Variants in FRMPD3 observed in about 807,000 individuals in gnomAD.
FRMPD3 encodes the protein FERM and PDZ domain containing 3.
In FRMPD3, 42 loss-of-function variants were observed where a neutral mutation model predicts 97.9. The observed-to-expected ratio is 0.43, with a 90% CI of 0.34 to 0.55. FRMPD3 has a LOEUF of 0.55. FRMPD3 is among the 20% of genes least tolerant of loss of function. The pLI, the probability that FRMPD3 is intolerant of heterozygous loss-of-function variation, is 0.03. For synonymous variants in FRMPD3, 577 were observed against 581.1 expected (o/e 0.99, Z 0.10); for missense variants, 1,303 against 1,457.7 (o/e 0.89, Z 1.73).
At chrX:107,578,835 C>T (rs1391643626) in intron 13 of FRMPD3, among the ~76,000 whole-genome samples, 1 of 111,212 alleles carries the variant, frequency 9.0e-6, no homozygotes, top group African/African-American at 3.3e-5. Flanking sequence ...GTGAGCCTCA[C>T]AGCTCTACCT....
rs779908263 is a variant in FRMPD3 at position 107,545,782 on chromosome X, A to G, written c.343A>G (p.Arg115Gly). The part of the protein sequence containing the change: ...FISAAKKAKL[R>G]SNPVKVRFSE... ...CAGTGCTGCGAAGAAGGCCAAGTTGAGGTCCAATCCTGTGAAGGTTCGATT... is the reference window on the plus strand; with the variant it reads ...CAGTGCTGCGAAGAAGGCCAAGTTGGGGTCCAATCCTGTGAAGGTTCGATT... The change falls in exon 5 of 15, where the codon AGG becomes GGG. Residue 115 changes from arginine (R) to glycine (G), a missense_variant. By Grantham distance (125) the Arg-to-Gly change is moderately radical. Around this residue, in one of 3 missense-constraint regions of FRMPD3, gnomAD observed 535 missense variants for 618.6 expected, o/e 0.86. Coordinates refer to ENST00000683843, the MANE Select transcript of FRMPD3 (RefSeq NM_001388459.1). 8.3e-7 allele frequency: 1 copy of G among 1,210,461 alleles called. No individual in the cohort carries two copies. The highest frequency in any genetic ancestry group is 1.1e-6 in the Non-Finnish European group (1 of 895,161).
chrX:107,572,653 G>T (rs1230198517), intron 12 of FRMPD3, among the ~76,000 whole-genome samples: 1 of 110,194 alleles, frequency 9.1e-6, no homozygotes, highest in African/African-American at 3.3e-5. Context: ...CAGGAGAATC[G>T]CTTGAACCCA....
chrX:107,578,412 G>T (rs5962857), intron 13 of FRMPD3, among the ~76,000 whole-genome samples: 18,971 of 111,546 alleles, frequency 0.17, 3,408 homozygotes, highest in African/African-American at 0.54. Context: ...ATTCCAACAT[G>T]CCATGTTGCT....
intron 1 of FRMPD3, among the ~76,000 whole-genome samples, chrX:107,453,554 T>C (rs1032017530): frequency 2.7e-5 from 3 of 111,671 alleles, no homozygotes; most frequent in African/African-American, 9.8e-5. Context: ...TACCATAAGT[T>C]CAGAAACAAA....
intron 13 of FRMPD3, among the ~76,000 whole-genome samples, chrX:107,587,229 T>C (rs1487664279): frequency 8.9e-6 from 1 of 111,843 alleles, no homozygotes; most frequent in Admixed American, 9.5e-5. Context: ...TTTTTGATCT[T>C]TGTTGTGTTA....
chrX:107,491,889 G>C (rs942068863), intron 1 of FRMPD3, among the ~76,000 whole-genome samples: 3 of 109,347 alleles, frequency 2.7e-5, no homozygotes, highest in Non-Finnish European at 5.7e-5. Context: ...TCTTCCCTTC[G>C]TGGTTTTTTT....
At chrX:107,480,905 A>AAAGAAAG (rs1921342454) in intron 1 of FRMPD3, among the ~76,000 whole-genome samples, 1 of 84,428 alleles carries the variant, frequency 1.2e-5, no homozygotes, top group Non-Finnish European at 2.3e-5. Flanking sequence ...GGAAAGAAAG[A>AAAGAAAG]AAGAAAGAAA....
intron 1 of FRMPD3, among the ~76,000 whole-genome samples, chrX:107,483,516 G>A (rs1407986375): frequency 8.9e-6 from 1 of 111,949 alleles, no homozygotes; most frequent in Non-Finnish European, 1.9e-5. Flanking sequence ...AATCCAGTGA[G>A]GCAGGTCTCT....
In FRMPD3 at chrX:107,600,675, C is replaced by G. The variant is rs1354553483; in HGVS notation, c.2636C>G (p.Pro879Arg). The G allele has an allele frequency of 8.3e-7, 1 of 1,202,483 alleles. No homozygotes were observed. Among genetic ancestry groups the G allele is most frequent in the Non-Finnish European group, 1.1e-6 (1 of 891,295 alleles). ...GERTYSLAVH[P>R]ALSPQLSEQK... is the part of the protein sequence containing the mutation. ...CGAACATACTCCTTGGCAGTGCACC[C>G]AGCACTGTCCCCACAGCTTAGTGAA... The change falls in exon 15 of 15, where the codon CCA becomes CGA. Residue 879 changes from proline (P) to arginine (R), a missense_variant. This residue lies in a region of FRMPD3 where 764 missense variants were observed against 820.2 expected (regional missense o/e 0.93). Coordinates refer to ENST00000683843, the MANE Select transcript of FRMPD3 (RefSeq NM_001388459.1).
At chrX:107,574,255 C>T (rs2147614841) in intron 12 of FRMPD3, among the ~76,000 whole-genome samples, 1 of 106,587 alleles carries the variant, frequency 9.4e-6, no homozygotes, top group Non-Finnish European at 1.9e-5. Context: ...ACCTGGGCAA[C>T]ATAGTGAGAC....
At position 107,569,483 on chromosome X, in the gene FRMPD3, G is replaced by T. The variant is rs1035637925; in HGVS notation, c.1296+4417G>T. 6.4e-5 allele frequency among the ~76,000 whole-genome samples: 7 copies of T among 109,830 alleles called. No individual in the cohort carries two copies. In the Admixed American group the frequency reaches 6.8e-4, roughly 11 times the overall value. On this transcript the variant is annotated intron_variant, in intron 12 of 14. Coordinates refer to ENST00000683843, the MANE Select transcript of FRMPD3 (RefSeq NM_001388459.1). ...TTTAGTAAGAGGTGGCTCTGGGAAG[G>T]AATTGGGAGAGCAGGGTTGGGAAGC...
intron 8 of FRMPD3, 64 bp from the exon 9 acceptor site, chrX:107,560,193 A>G: frequency 1.7e-6 from 2 of 1,152,557 alleles, no homozygotes; most frequent in African/African-American, 3.6e-5. Flanking sequence ...GTAAGGGAGT[A>G]GATCAGGGGG....
intron 6 of FRMPD3, among the ~76,000 whole-genome samples, chrX:107,551,180 T>C (rs1179797755): frequency 1.8e-5 from 2 of 111,809 alleles, no homozygotes; most frequent in Non-Finnish European, 3.8e-5. Context: ...TGCTAAGTAT[T>C]CTGCAGGGAG....
chrX:107,601,539 C>T lies in FRMPD3; in HGVS notation c.3500C>T (p.Pro1167Leu). 2 of 1,183,014 alleles carry T rather than the reference C, an allele frequency of 1.7e-6. No homozygotes were observed. The highest frequency in any genetic ancestry group is 2.3e-6 in the Non-Finnish European group (2 of 882,157). ...CGAGGTCAGAGCCCCAGCTGCCAAC[C>T]TCGAGGCCAGAGCCCACTGAGGTCT... ...QSRGQSPSCQ[P>L]RGQSPLRSQA... The change falls in exon 15 of 15, where the codon CCT (proline) becomes CTT (leucine). Residue 1167 changes from proline (P) to leucine (L), a missense_variant. Physicochemically the swap from Pro to Leu is moderately conservative, Grantham distance 98. Around this residue, in one of 3 missense-constraint regions of FRMPD3, gnomAD observed 764 missense variants for 820.2 expected, o/e 0.93. Transcript: ENST00000683843.
intron 11 of FRMPD3, among the ~76,000 whole-genome samples, chrX:107,564,566 G>C (rs1331482948): frequency 3.6e-5 from 4 of 112,065 alleles, no homozygotes; most frequent in Non-Finnish European, 5.6e-5. Context: ...GAAGGGGAGG[G>C]TGCTCCAAAG....
At chrX:107,516,686 G>A (rs927489984) in intron 1 of FRMPD3, among the ~76,000 whole-genome samples, 3 of 110,584 alleles carry the variant, frequency 2.7e-5, no homozygotes, top group African/African-American at 3.3e-5. Flanking sequence ...TTTGAGAAGC[G>A]TCTGTTCATA....
rs1428558372 is a variant in FRMPD3, at chrX:107,560,408, G to A, written c.899+15G>A. The A allele has an allele frequency of 9.9e-6, 12 of 1,207,723 alleles. No homozygotes were observed. The South Asian group carries it at 1.2e-4, about 12-fold the overall frequency. Reference sequence around the variant, plus strand: ...AAGAATGTGGAGTGAGTTGTGCTGCGGCCCGTTGGGATGGGGGGCGAATAG... The same window carrying A: ...AAGAATGTGGAGTGAGTTGTGCTGCAGCCCGTTGGGATGGGGGGCGAATAG... On this transcript the variant is annotated intron_variant, in intron 9 of 14. Coordinates refer to ENST00000683843, the MANE Select transcript of FRMPD3 (RefSeq NM_001388459.1).
At chrX:107,533,850 C>T (rs763801852) in intron 4 of FRMPD3, among the ~76,000 whole-genome samples, 10 of 112,298 alleles carry the variant, frequency 8.9e-5, no homozygotes, top group Non-Finnish European at 1.9e-4. Flanking sequence ...TGGCTGTACT[C>T]CATTAAAATG....
intron 12 of FRMPD3, among the ~76,000 whole-genome samples, chrX:107,569,172 G>A (rs1922760256): frequency 9.1e-6 from 1 of 109,615 alleles, no homozygotes; most frequent in South Asian, 4.0e-4. Flanking sequence ...GCGCACACCT[G>A]TAATCCCAGC....
Sources: gnomAD v4.1 joint callset for allele counts (sites outside exome capture counted in the v4.1 genomes callset) on GRCh38, gnomAD v4.1.1 for gene constraint, gnomAD v4.1.1 regional missense constraint, MANE v1.5 for transcripts, NCBI Gene and HGNC (gene_info 2026-07-23, HGNC 2026-07-21) for gene names.